The following FBXW7 variants were observed in gnomAD, a reference collection of about 807,000 sequenced individuals.
FBXW7 encodes F-box and WD repeat domain containing 7, also known as F-box/WD repeat-containing protein 7.
Under a neutral mutation model 86.3 loss-of-function variants are expected in FBXW7, and 11 were observed. The observed-to-expected ratio is 0.13, with a 90% CI of 0.08 to 0.21. FBXW7 has a LOEUF of 0.21. FBXW7 is among the 10% of genes least tolerant of loss of function. The pLI, the probability that FBXW7 is intolerant of heterozygous loss-of-function variation, is 1.00. For missense variants in FBXW7, 488 were observed against 847.4 expected (o/e 0.58, Z 5.27); for synonymous variants, 313 against 297.9 (o/e 1.05, Z -0.52).
At chr4:152,397,734 T>C (rs553665072) in intron 4 of FBXW7, among the ~76,000 whole-genome samples, 401 of 143,504 alleles carry the variant, frequency 2.8e-3, no homozygotes, top group Non-Finnish European at 4.0e-3. Flanking sequence ...TTGAGGAAGA[T>C]TAAATCAGTT....
chr4:152,360,761 C>A (rs1441844769), intron 4 of FBXW7, among the ~76,000 whole-genome samples: 1 of 151,534 alleles, frequency 6.6e-6, no homozygotes, highest in Non-Finnish European at 1.5e-5. Context: ...TTTGAAAAAA[C>A]AAGCATATAT....
chr4:152,510,160 A>G (rs1747824428), intron 2 of FBXW7, among the ~76,000 whole-genome samples: 1 of 152,250 alleles, frequency 6.6e-6, no homozygotes, highest in Admixed American at 6.5e-5. Flanking sequence ...ACGTCCAGTA[A>G]ATTACAACAC....
intron 4 of FBXW7, among the ~76,000 whole-genome samples, chr4:152,377,260 G>C (rs905764780): frequency 7.9e-5 from 12 of 152,100 alleles, no homozygotes; most frequent in African/African-American, 2.7e-4. Flanking sequence ...CTGAGCCTCA[G>C]TTTTCTCATC....
At chr4:152,391,090 A>T (rs74341210) in intron 4 of FBXW7, among the ~76,000 whole-genome samples, 2,079 of 152,196 alleles carry the variant, frequency 0.014, 26 homozygotes, top group Middle Eastern at 0.037. Context: ...ATATTTTGAG[A>T]AAGATAAACA....
At chr4:152,364,368 C>A (rs1055559918) in intron 4 of FBXW7, among the ~76,000 whole-genome samples, 1 of 152,190 alleles carries the variant, frequency 6.6e-6, no homozygotes, top group African/African-American at 2.4e-5. Context: ...ATCAAAGGAT[C>A]TCCATTGCAG....
At chr4:152,450,563 G>A (rs996826979) in intron 2 of FBXW7, among the ~76,000 whole-genome samples, 4 of 152,146 alleles carry the variant, frequency 2.6e-5, no homozygotes, top group African/African-American at 4.8e-5. Flanking sequence ...CCTAGCAAAT[G>A]GGTAAGCTAG....
At chr4:152,504,516 A>G (rs777474658) in intron 2 of FBXW7, among the ~76,000 whole-genome samples, 10 of 152,170 alleles carry the variant, frequency 6.6e-5, no homozygotes, top group African/African-American at 1.9e-4. Context: ...CAGTAGCTCA[A>G]TTTTGAAATG....
At chr4:152,417,064 T>G (rs1372792505) in intron 2 of FBXW7, among the ~76,000 whole-genome samples, 1 of 152,166 alleles carries the variant, frequency 6.6e-6, no homozygotes, top group East Asian at 1.9e-4. Context: ...ACTGTTACTG[T>G]GCTCCATCGC....
chr4:152,336,819 A>T (rs1186483413), intron 7 of FBXW7, among the ~76,000 whole-genome samples: 1 of 152,052 alleles, frequency 6.6e-6, no homozygotes, highest in Admixed American at 6.6e-5. Context: ...TTTTATTCGT[A>T]TCCAACGTGC....
In FBXW7 at chr4:152,338,045, T is replaced by G. The variant is rs1479476799; in HGVS notation, c.727-109A>C. 6.5e-6 allele frequency: 7 copies of G among 1,080,052 alleles called. No homozygotes were observed. The Admixed American group carries it at 2.0e-4, about 31-fold the overall frequency. 66.9% of individuals were successfully genotyped at this position (1,080,052 alleles called of 1,614,324 possible). On this transcript the variant is annotated intron_variant, in intron 6 of 13. Transcript: ENST00000281708. ...CAACCATAGTTGATCAGGGTAGAAC[T>G]GTATAAAAAGTGGCTCCTTATAGTG...
Position 152,409,849 on chromosome 4 carries a change from T to C in FBXW7, c.501+1454A>G, listed in dbSNP as rs1737769913. ...TGGTTAGAGCCCAGTCCATTCTTGT[T>C]ATATGTACAGGACAATAATTGTTAT... On this transcript the variant is annotated intron_variant, in intron 4 of 13. Coordinates refer to ENST00000281708, the MANE Select transcript of FBXW7 (RefSeq NM_001349798.2). Among the ~76,000 whole-genome samples the C allele has an allele frequency of 2.0e-5, 3 of 152,160 alleles. No homozygotes were observed. The South Asian group carries it at 6.2e-4, about 32-fold the overall frequency.
chr4:152,420,928 G>C (rs1404598131), intron 2 of FBXW7, among the ~76,000 whole-genome samples: 1 of 152,158 alleles, frequency 6.6e-6, no homozygotes, highest in East Asian at 1.9e-4. Context: ...CCCCTAACAA[G>C]AGAGTCAGCC....
intron 2 of FBXW7, among the ~76,000 whole-genome samples, chr4:152,420,787 G>C (rs1237479121): frequency 6.6e-6 from 1 of 152,024 alleles, no homozygotes; most frequent in Non-Finnish European, 1.5e-5. Flanking sequence ...CTAGCAAACT[G>C]TGCTGTCATC....
Position 152,332,612 on chromosome 4 carries a change from C to T in FBXW7, c.969G>A (p.Glu323=), listed in dbSNP as rs2126547846. 1 of 1,603,728 alleles carries T rather than the reference C, an allele frequency of 6.2e-7. No individual in the cohort carries two copies. The highest frequency in any genetic ancestry group is 8.5e-7 in the Non-Finnish European group (1 of 1,173,358). The stretch of plus-strand genomic sequence containing the variant: ...GAACCTTACCCTCTTCTTTGCATTT[C>T]TCTCTCCAGAGAAGGTTGTCTTCAG... ...ILAEDNLLWR[E]KCKEEGIDEP... The change falls in exon 8 of 14, where the codon GAG becomes GAA. Residue 323 remains glutamate (E), a synonymous_variant. Coordinates refer to ENST00000281708, the MANE Select transcript of FBXW7 (RefSeq NM_001349798.2).
In FBXW7 at chr4:152,411,326, G is replaced by C; in HGVS notation, c.478C>G (p.Pro160Ala). The change falls in exon 4 of 14, where the codon CCA becomes GCA. Residue 160 changes from proline (P) to alanine (A), a missense_variant. Pro to Ala is a conservative substitution (Grantham distance 27). Coordinates refer to ENST00000281708, the MANE Select transcript of FBXW7 (RefSeq NM_001349798.2). ...VDLPVHQLSS[P>A]FYTKTTKMKR... is the part of the protein sequence containing the mutation. ...ACTTTTGTTGTTTTTGTATAGAATG[G>C]GGAGGAGAGTTGGTGAACGGGCAGG... The C allele has an allele frequency of 6.2e-7, 1 of 1,609,742 alleles. No individual in the cohort carries two copies. Among genetic ancestry groups the C allele is most frequent in the Non-Finnish European group, 8.5e-7 (1 of 1,177,856 alleles).
intron 11 of FBXW7, among the ~76,000 whole-genome samples, chr4:152,327,134 T>C (rs1045517665): frequency 3.9e-5 from 6 of 151,956 alleles, no homozygotes; most frequent in African/African-American, 1.4e-4. Context: ...TTTAAAAAAG[T>C]AGATAATTAA....
intron 4 of FBXW7, among the ~76,000 whole-genome samples, chr4:152,377,510 G>A (rs909938375): frequency 1.1e-4 from 16 of 151,982 alleles, no homozygotes; most frequent in Non-Finnish European, 1.5e-5. Flanking sequence ...CCAGCCCTCT[G>A]GGAGACCGAG....
chr4:152,417,822 A>G (rs1579145062), intron 2 of FBXW7, among the ~76,000 whole-genome samples: 2 of 151,698 alleles, frequency 1.3e-5, no homozygotes, highest in African/African-American at 4.8e-5. Flanking sequence ...CATGGCAACC[A>G]CCCCTGGCCT....
chr4:152,366,637 G>C (rs906162998), intron 4 of FBXW7, among the ~76,000 whole-genome samples: 2 of 152,188 alleles, frequency 1.3e-5, no homozygotes, highest in Non-Finnish European at 2.9e-5. Context: ...AACAACAGGT[G>C]CTGGAGACGA....
Sources: allele counts gnomAD v4.1 joint callset (sites outside exome capture counted in the v4.1 genomes callset), GRCh38; gene constraint gnomAD v4.1.1; transcripts MANE v1.5; gene names NCBI Gene and HGNC (gene_info 2026-07-23, HGNC 2026-07-21).